The following LUZP1 variants were observed in gnomAD, a reference collection of about 807,000 sequenced individuals.
The protein encoded by LUZP1 is leucine zipper protein 1.
Under a neutral mutation model 71.3 loss-of-function variants are expected in LUZP1, and 25 were observed. That is an observed-to-expected ratio of 0.35 (90% CI 0.26 to 0.49). The LOEUF (loss-of-function observed/expected upper bound fraction) is 0.49. LUZP1 is among the 20% of genes least tolerant of loss of function. The pLI, the probability that LUZP1 is intolerant of heterozygous loss-of-function variation, is 0.99. For synonymous variants in LUZP1, 481 were observed against 506.4 expected (o/e 0.95, Z 0.67); for missense variants, 1,142 against 1,300.8 (o/e 0.88, Z 1.88).
chr1:23,159,713 G>A (rs145017230), intron 2 of LUZP1, among the ~76,000 whole-genome samples: 63 of 152,300 alleles, frequency 4.1e-4, no homozygotes, highest in Admixed American at 1.2e-3. Context: ...CGCCAGACGC[G>A]GTGGCTCATG....
chr1:23,114,795 G>T (rs1644064567), intron 2 of LUZP1, among the ~76,000 whole-genome samples: 1 of 152,170 alleles, frequency 6.6e-6, no homozygotes, highest in South Asian at 2.1e-4. Context: ...AGAAACCCGG[G>T]TGGCGGCCTC....
chr1:23,090,364 AAG>A (rs1643834542), intron 4 of LUZP1: 1 of 156,614 alleles, frequency 6.4e-6, no homozygotes, highest in Non-Finnish European at 1.4e-5. Context: ...GTACCCTGTA[AAG>A]AGTCACAGGG....
chr1:23,168,160 C>T (rs1354544665), intron 2 of LUZP1, among the ~76,000 whole-genome samples: 2 of 143,246 alleles, frequency 1.4e-5, no homozygotes, highest in Non-Finnish European at 3.1e-5. Context: ...CCTCCCCGCC[C>T]GGCCCGCGGC....
Position 23,093,804 on chromosome 1 carries a change from G to A in LUZP1, c.458C>T (p.Ser153Phe), listed in dbSNP as rs990222985. The change falls in exon 4 of 5, where the codon TCT (serine) becomes TTT (phenylalanine). Residue 153 changes from serine to phenylalanine, a missense_variant. Transcript: ENST00000302291. The surrounding 1 kb of genome is among the most constrained non-coding windows in gnomAD (Gnocchi z 4.2). ...TTTGACTCTGAGCATTTCCAGCTCA[G>A]AGGAGATTTTCTTGGTCAGATTTCT... 1.3e-5 allele frequency: 21 copies of A among 1,614,010 alleles called. No individual in the cohort carries two copies. Among genetic ancestry groups the A allele is most frequent in the Non-Finnish European group, 1.8e-5 (21 of 1,179,994 alleles).
intron 2 of LUZP1, among the ~76,000 whole-genome samples, chr1:23,127,880 C>T (rs1644184550): frequency 6.6e-6 from 1 of 152,094 alleles, no homozygotes; most frequent in South Asian, 2.1e-4. Context: ...TGCTTGTAAT[C>T]CCAGTACTTT....
chr1:23,123,896 T>C (rs1382168691), intron 2 of LUZP1, among the ~76,000 whole-genome samples: 1 of 152,232 alleles, frequency 6.6e-6, no homozygotes, highest in Non-Finnish European at 1.5e-5. Flanking sequence ...ATTAATGTAC[T>C]TTCTAAAGAT....
chr1:23,096,399 T>C (rs367806948), intron 3 of LUZP1, among the ~76,000 whole-genome samples: 13 of 152,024 alleles, frequency 8.6e-5, no homozygotes, highest in East Asian at 7.7e-4. Context: ...CCCAAAAGGA[T>C]AGAATACAGA....
chr1:23,126,520 T>G (rs994332464), intron 2 of LUZP1, among the ~76,000 whole-genome samples: 1 of 152,222 alleles, frequency 6.6e-6, no homozygotes, highest in African/African-American at 2.4e-5. Flanking sequence ...ATTTTATATT[T>G]ACTTACACTC....
At chr1:23,149,072 C>A (rs188830220) in intron 2 of LUZP1, among the ~76,000 whole-genome samples, 35 of 100,312 alleles carry the variant, frequency 3.5e-4, no homozygotes, top group Admixed American at 1.7e-3. Context: ...CAGAGTGACA[C>A]CTTGCCTAAA....
At chr1:23,150,986 A>C (rs1644378868) in intron 2 of LUZP1, among the ~76,000 whole-genome samples, 1 of 152,158 alleles carries the variant, frequency 6.6e-6, no homozygotes, top group African/African-American at 2.4e-5. Flanking sequence ...CCAAAAGATA[A>C]ATGAATGCCA....
chr1:23,093,544 G>A lies in LUZP1; in HGVS notation c.718C>T (p.Leu240=). Residue 240 remains leucine, a synonymous_variant, in exon 4 of 5, where the codon CTA becomes TTA. Transcript: ENST00000302291. The surrounding 1 kb of genome is among the most constrained non-coding windows in gnomAD (Gnocchi z 4.2). ...GAAGAGATGCCATCCTCAATCCGTA[G>A]GTCATTTCTTTCCAGATTAGAAGCA... 2 of 1,613,796 alleles carry A rather than the reference G, an allele frequency of 1.2e-6. No individual in the cohort carries two copies. Among genetic ancestry groups the A allele is most frequent in the Middle Eastern group, 3.3e-4 (2 of 6,062 alleles).
rs150992927 is a variant in LUZP1 at position 23,104,056 on chromosome 1, C to T, written c.-120+4966G>A. Among the ~76,000 whole-genome samples the T allele has an allele frequency of 3.7e-3, 562 of 152,086 alleles. 6 individuals carry two copies. The highest frequency in any genetic ancestry group is 0.012 in the African/African-American group (513 of 41,484). On this transcript the variant is annotated intron_variant, in intron 3 of 4. Coordinates refer to ENST00000302291, the Ensembl canonical transcript of LUZP1. Reference sequence around the variant, plus strand: ...TAAGGTCTCTGTGGTAGGTTTGAGGCCCCTGAAATGTCACAGTAAGTTCAG... The same window carrying T: ...TAAGGTCTCTGTGGTAGGTTTGAGGTCCCTGAAATGTCACAGTAAGTTCAG...
intron 1 of LUZP1, among the ~76,000 whole-genome samples, chr1:23,176,772 G>A (rs986378551): frequency 6.6e-6 from 1 of 152,232 alleles, no homozygotes; most frequent in Non-Finnish European, 1.5e-5. Flanking sequence ...AGTAACAGCT[G>A]GGGCTTTGCA....
At chr1:23,164,590 C>A (rs1350354055) in intron 2 of LUZP1, among the ~76,000 whole-genome samples, 1 of 152,094 alleles carries the variant, frequency 6.6e-6, no homozygotes, top group African/African-American at 2.4e-5. Context: ...TAGAAGCTCA[C>A]TAGCACAGGT....
At chr1:23,134,338 C>T (rs537113052) in intron 2 of LUZP1, among the ~76,000 whole-genome samples, 16 of 151,614 alleles carry the variant, frequency 1.1e-4, no homozygotes, top group South Asian at 1.0e-3. Context: ...AAAAATTAGC[C>T]GGGTGTGGTG....
At chr1:23,169,476 A>G (rs1443880093) in intron 1 of LUZP1, among the ~76,000 whole-genome samples, 1 of 152,206 alleles carries the variant, frequency 6.6e-6, no homozygotes, top group Non-Finnish European at 1.5e-5. Context: ...TTACTCTGCA[A>G]ATGCAGAGAA....
At chr1:23,113,753 G>A (rs957729053) in intron 2 of LUZP1, among the ~76,000 whole-genome samples, 8 of 151,998 alleles carry the variant, frequency 5.3e-5, no homozygotes, top group African/African-American at 1.7e-4. Context: ...TGTGGCGCGC[G>A]CCTGTAGTCC....
chr1:23,153,545 A>G (rs1449526004), intron 2 of LUZP1, among the ~76,000 whole-genome samples: 1 of 152,126 alleles, frequency 6.6e-6, no homozygotes, highest in Non-Finnish European at 1.5e-5. Flanking sequence ...CAGACCTCCT[A>G]GGGCAGTCAT....
chr1:23,162,758 T>C (rs755571170), intron 2 of LUZP1: 7 of 152,230 alleles, frequency 4.6e-5, no homozygotes, highest in Non-Finnish European at 8.8e-5. Context: ...GGAAGATTAG[T>C]ATGTGCCCTG....
Sources: gnomAD v4.1 joint callset for allele counts (sites outside exome capture counted in the v4.1 genomes callset) on GRCh38, gnomAD v4.1.1 for gene constraint, Gnocchi (gnomAD v3.1) non-coding constraint, MANE v1.5 for transcripts, NCBI Gene and HGNC (gene_info 2026-07-23, HGNC 2026-07-21) for gene names.